Variants in EYS observed in about 807,000 individuals in gnomAD.
The protein encoded by EYS is protein eyes shut homolog.
Under a neutral mutation model 282.1 loss-of-function variants are expected in EYS, and 250 were observed. That is an observed-to-expected ratio of 0.89 (90% CI 0.80 to 0.98). The LOEUF is 0.98. EYS is among the 50% of genes least tolerant of loss of function. EYS has a pLI of 0.00. For synonymous variants in EYS, 1,355 were observed against 1,282.9 expected (o/e 1.06, Z -1.20); for missense variants, 4,016 against 3,709.0 (o/e 1.08, Z -2.15).
intron 2 of EYS, among the ~76,000 whole-genome samples, chr6:65,626,305 G>A (rs1056000072): frequency 5.3e-5 from 8 of 152,226 alleles, no homozygotes; most frequent in African/African-American, 1.7e-4. Context: ...GCCATATTTA[G>A]GGGCTAAAAC....
chr6:65,016,361 G>C (rs1011753359), intron 13 of EYS, among the ~76,000 whole-genome samples: 11 of 152,132 alleles, frequency 7.2e-5, no homozygotes, highest in Admixed American at 1.3e-4. Context: ...AGTTTTAAGA[G>C]CTGTAAGTGG....
intron 33 of EYS, among the ~76,000 whole-genome samples, chr6:64,062,962 G>A (rs998707989): frequency 6.6e-6 from 1 of 152,096 alleles, no homozygotes; most frequent in Admixed American, 6.6e-5. Flanking sequence ...TTCAGGTCAT[G>A]GAATCATGTG....
chr6:63,981,984 C>G (rs1484859168), intron 35 of EYS, among the ~76,000 whole-genome samples: 1 of 151,678 alleles, frequency 6.6e-6, no homozygotes, highest in Non-Finnish European at 1.5e-5. Flanking sequence ...TATATACATC[C>G]TGTTAGGAAG....
At chr6:64,300,676 G>A (rs1260799644) in intron 30 of EYS, among the ~76,000 whole-genome samples, 1 of 152,178 alleles carries the variant, frequency 6.6e-6, no homozygotes, top group Non-Finnish European at 1.5e-5. Flanking sequence ...GGTTTTGCAT[G>A]ACCTACGTGC....
rs542298052 is a variant in EYS, at chr6:65,237,952, T to A, written c.2023+57911A>T. On this transcript the variant is annotated intron_variant, in intron 12 of 42. Transcript: ENST00000503581. ...TAAAAATTAAGACAGTAAAAATTACTGATTTGTGTTTCAAATGATCACAAA... is the reference window on the plus strand; with the variant it reads ...TAAAAATTAAGACAGTAAAAATTACAGATTTGTGTTTCAAATGATCACAAA... Among the ~76,000 whole-genome samples, 45 of 152,212 alleles carry A rather than the reference T, an allele frequency of 3.0e-4. 1 individual carries two copies. Among genetic ancestry groups the A allele is most frequent in the African/African-American group, 1.1e-3 (44 of 41,572 alleles).
At chr6:63,798,497 A>G (rs1046427750) in intron 37 of EYS, among the ~76,000 whole-genome samples, 1 of 152,166 alleles carries the variant, frequency 6.6e-6, no homozygotes, top group Non-Finnish European at 1.5e-5. Context: ...ATAGGCATAC[A>G]CTGTCAGTTT....
chr6:64,886,804 A>T lies in EYS; in HGVS notation c.2885T>A (p.Phe962Tyr). Residue 962 changes from phenylalanine (F) to tyrosine (Y), a missense_variant, in exon 19 of 43, where the codon TTC becomes TAC. Phe to Tyr is a conservative substitution (Grantham distance 22). Transcript: ENST00000503581. ...CNCEPEYHGP[F>Y]CELDVNKCKI... ...ACATTTATTTACATCAAGTTCACAG[A>T]AGGGCCCATGGTACTCAGGTTCACA... The T allele has an allele frequency of 6.5e-7, 1 of 1,546,452 alleles. No individual in the cohort carries two copies. The highest frequency in any genetic ancestry group is 8.7e-7 in the Non-Finnish European group (1 of 1,143,926).
chr6:64,611,665 C>A (rs887276132), intron 24 of EYS, among the ~76,000 whole-genome samples: 2 of 152,058 alleles, frequency 1.3e-5, no homozygotes, highest in Non-Finnish European at 2.9e-5. Flanking sequence ...CGAATAAGAG[C>A]ATTATTGATT....
At chr6:65,231,468 T>C (rs920551329) in intron 12 of EYS, among the ~76,000 whole-genome samples, 2 of 151,692 alleles carry the variant, frequency 1.3e-5, no homozygotes, top group African/African-American at 2.4e-5. Flanking sequence ...AGAGACTCTT[T>C]ACCTAATTAT....
At chr6:64,889,701 G>C (rs1767218020) in intron 18 of EYS, among the ~76,000 whole-genome samples, 1 of 152,048 alleles carries the variant, frequency 6.6e-6, no homozygotes, top group Non-Finnish European at 1.5e-5. Flanking sequence ...ATACCCTTGT[G>C]ATTTCCTATG....
intron 1 of EYS, among the ~76,000 whole-genome samples, chr6:65,641,870 G>A (rs1336814332): frequency 6.6e-6 from 1 of 151,932 alleles, no homozygotes; most frequent in Non-Finnish European, 1.5e-5. Context: ...AGTTTCTTCT[G>A]CCTTGACCTC....
At chr6:64,510,306 A>G (rs1045434042) in intron 26 of EYS, among the ~76,000 whole-genome samples, 1 of 152,180 alleles carries the variant, frequency 6.6e-6, no homozygotes, top group Non-Finnish European at 1.5e-5. Flanking sequence ...ATGAAAGATT[A>G]AAATTATTAG....
In EYS at chr6:64,706,615, G is replaced by GA. The variant is rs961488787; in HGVS notation, c.3444-80371dup. On this transcript the variant is annotated intron_variant, in intron 22 of 42. Transcript: ENST00000503581. ...ACAAGCAACTCAAACAAATCAGCAA[G>GA]AAAAAAAACAAACAATTCCATCAAA... Among the ~76,000 whole-genome samples the GA allele has an allele frequency of 2.2e-4, 33 of 151,146 alleles. 1 individual carries two copies. The highest frequency in any genetic ancestry group is 6.6e-4 in the Admixed American group (10 of 15,180).
chr6:64,023,702 G>T (rs1582150597), intron 33 of EYS, among the ~76,000 whole-genome samples: 1 of 152,386 alleles, frequency 6.6e-6, no homozygotes, highest in South Asian at 2.1e-4. Flanking sequence ...TCAGCCTGCC[G>T]CTGCACTGTG....
At chr6:64,988,565 C>T (rs1770945143) in intron 14 of EYS, among the ~76,000 whole-genome samples, 1 of 151,432 alleles carries the variant, frequency 6.6e-6, no homozygotes, top group South Asian at 2.1e-4. Flanking sequence ...CCTTCTCTCC[C>T]TCTTTCTCTC....
chr6:64,076,961 T>G (rs1318405917), intron 32 of EYS, among the ~76,000 whole-genome samples: 2 of 151,996 alleles, frequency 1.3e-5, no homozygotes, highest in East Asian at 3.9e-4. Context: ...CCATCACTTA[T>G]TCAACTTTGT....
intron 26 of EYS, among the ~76,000 whole-genome samples, chr6:64,567,237 C>T (rs1029902133): frequency 2.6e-5 from 4 of 151,854 alleles, no homozygotes; most frequent in Non-Finnish European, 5.9e-5. Flanking sequence ...TGAGAGTATA[C>T]ATCAAAACAA....
chr6:63,984,738 A>G, intron 34 of EYS, 135 bp from the exon 35 acceptor site: 2 of 717,212 alleles, frequency 2.8e-6, no homozygotes, highest in Non-Finnish European at 4.6e-6. Context: ...ATTGTTGGCT[A>G]GTTTTGTCAC....
intron 22 of EYS, among the ~76,000 whole-genome samples, chr6:64,813,114 G>A (rs1764644900): frequency 6.7e-6 from 1 of 148,328 alleles, no homozygotes; most frequent in African/African-American, 2.5e-5. Context: ...CTTTGAGAAA[G>A]GAGAAGAGAT....
Sources: allele counts gnomAD v4.1 joint callset (sites outside exome capture counted in the v4.1 genomes callset), GRCh38; gene constraint gnomAD v4.1.1; transcripts MANE v1.5; gene names NCBI Gene and HGNC (gene_info 2026-07-23, HGNC 2026-07-21).